Variants in USP14 observed in about 807,000 individuals in gnomAD.
USP14 encodes ubiquitin carboxyl-terminal hydrolase 14.
In USP14, 38 loss-of-function variants were observed where a neutral mutation model predicts 76.5. The ratio of observed to expected loss-of-function variants is 0.50; its 90% CI spans 0.38 to 0.65. The LOEUF is 0.65. Ranked by LOEUF, USP14 falls within the 30% of genes least tolerant of loss-of-function variation. The pLI, the probability that USP14 is intolerant of heterozygous loss-of-function variation, is 0.00. For synonymous variants in USP14, 192 were observed against 191.7 expected, an observed-to-expected ratio of 1.00 and a Z score of -0.01; for missense variants, 467 against 586.5, an observed-to-expected ratio of 0.80 and a Z score of 2.10.
Position 214,374 on chromosome 18 carries a change from T to C in USP14, c.*3090T>C. The C allele has an allele frequency of 2.6e-6, 1 of 388,946 alleles. No individual in the cohort carries two copies. Among genetic ancestry groups the C allele is most frequent in the Non-Finnish European group, 4.6e-6 (1 of 216,912 alleles). The allele number at this position is 388,946 out of a possible 1,614,324, so 24.1% of individuals were successfully genotyped here. A position where few individuals can be genotyped will look rare whatever the true frequency, so the allele number is the denominator to read the frequency against. On this transcript the variant is annotated 3_prime_UTR_variant, in exon 16 of 16. Transcript: ENST00000261601. Reference sequence around the variant, plus strand: ...AAATAGTGCTTATTTAACTTCATTATAAATACATCTACTTAACAAAAAAAT... The same window carrying C: ...AAATAGTGCTTATTTAACTTCATTACAAATACATCTACTTAACAAAAAAAT...
In USP14 at chr18:204,689, T is replaced by C. The variant is rs1910479719; in HGVS notation, c.1161T>C (p.Asn387=). ...LEDKKVNQQP[N]TSDKKSSPQK... ...ATAAAAAAGTGAATCAGCAGCCAAA[T>C]ACAGTAGGTTCTTACTGCTGACTTT... Residue 387 remains asparagine (N), a synonymous_variant, in exon 13 of 16, where the codon AAT becomes AAC. Transcript: ENST00000261601. The C allele has an allele frequency of 1.2e-6, 2 of 1,611,786 alleles. No individual in the cohort carries two copies. The highest frequency in any genetic ancestry group is 4.5e-5 in the East Asian group (2 of 44,740).
chr18:180,096 G>A (rs1177244113), intron 4 of USP14, 140 bp from the exon 5 acceptor site: 5 of 484,776 alleles, frequency 1.0e-5, no homozygotes, highest in East Asian at 3.6e-5. Context: ...TTTCTTTAGC[G>A]TGAAGGCAGA....
At chr18:202,129 A>G (rs1910399802) in intron 10 of USP14, among the ~76,000 whole-genome samples, 1 of 152,254 alleles carries the variant, frequency 6.6e-6, no homozygotes, top group Non-Finnish European at 1.5e-5. Context: ...AAAGCAGAGC[A>G]CATAAGTAGT....
At chr18:167,936 T>C (rs970318107) in intron 3 of USP14, among the ~76,000 whole-genome samples, 34 of 105,236 alleles carry the variant, frequency 3.2e-4, no homozygotes, top group South Asian at 1.3e-3. Context: ...TTTTCTCTCT[T>C]TTTTTTTTTT....
intron 1 of USP14, among the ~76,000 whole-genome samples, chr18:162,109 G>A (rs1296231926): frequency 6.6e-6 from 1 of 152,114 alleles, no homozygotes; most frequent in Non-Finnish European, 1.5e-5. Context: ...TCCGTTGTAT[G>A]TATATACCAC....
In USP14 at chr18:166,831, C is replaced by G. The variant is rs778509949; in HGVS notation, c.195+12C>G. ...TCAAAATAAAAAATGTAAGTATTAT[C>G]TTATGAACGTTTATTATAATGCAGT... On this transcript the variant is annotated intron_variant, in intron 3 of 15. Coordinates refer to ENST00000261601, the MANE Select transcript of USP14 (RefSeq NM_005151.4). The G allele has an allele frequency of 7.5e-6, 12 of 1,607,334 alleles. No homozygotes were observed. The highest frequency in any genetic ancestry group is 9.4e-6 in the Non-Finnish European group (11 of 1,175,288).
intron 5 of USP14, among the ~76,000 whole-genome samples, chr18:192,579 T>C (rs1283845968): frequency 6.6e-6 from 1 of 152,052 alleles, no homozygotes; most frequent in African/African-American, 2.4e-5. Flanking sequence ...AAATAAAAAA[T>C]AAAATAAAAT....
intron 13 of USP14, among the ~76,000 whole-genome samples, chr18:208,009 AT>A (rs1382195566): frequency 6.6e-6 from 1 of 151,384 alleles, no homozygotes; most frequent in Non-Finnish European, 1.5e-5. Flanking sequence ...ATTGGTGTTA[AT>A]TTTTTTTTAA....
At chr18:211,050 G>A (rs1910655732) in intron 15 of USP14, 83 bp from the exon 16 acceptor site, 10 of 1,436,376 alleles carry the variant, frequency 7.0e-6, no homozygotes, top group Non-Finnish European at 7.6e-6. Context: ...CTGTGCCTCC[G>A]ATGACTTGAT....
intron 1 of USP14, among the ~76,000 whole-genome samples, chr18:162,562 TC>T (rs1214185915): frequency 6.6e-6 from 1 of 152,224 alleles, no homozygotes; most frequent in Non-Finnish European, 1.5e-5. Context: ...TGCTTTATTC[TC>T]CCAGGAATTT....
intron 14 of USP14, 40 bp from the exon 15 acceptor site, chr18:210,346 A>G (rs1910637509): frequency 4.2e-6 from 6 of 1,418,286 alleles, no homozygotes; most frequent in African/African-American, 1.4e-5. Flanking sequence ...GCACATGTCT[A>G]TTCATTGTCT....
At chr18:210,295 A>T in intron 14 of USP14, 91 bp from the exon 15 acceptor site, 1 of 952,002 alleles carries the variant, frequency 1.1e-6, no homozygotes, top group East Asian at 2.5e-5. Context: ...TACTTTCGTA[A>T]TGTGAACTTT....
intron 1 of USP14, among the ~76,000 whole-genome samples, chr18:159,590 G>A (rs550629370): frequency 6.6e-6 from 1 of 152,150 alleles, no homozygotes; most frequent in African/African-American, 2.4e-5. Flanking sequence ...CATTTACAAA[G>A]CATGATACGA....
intron 11 of USP14, 54 bp from the exon 12 acceptor site, chr18:203,044 A>T (rs1249329384): frequency 1.7e-5 from 28 of 1,604,254 alleles, no homozygotes; most frequent in Non-Finnish European, 1.7e-6. Flanking sequence ...CAAATAATTA[A>T]AACTTGTATG....
intron 2 of USP14, among the ~76,000 whole-genome samples, chr18:165,516 CTG>C (rs1301011304): frequency 6.6e-6 from 1 of 152,276 alleles, no homozygotes; most frequent in Non-Finnish European, 1.5e-5. Flanking sequence ...TTAAATGAAA[CTG>C]TGACTGCTAA....
intron 5 of USP14, among the ~76,000 whole-genome samples, chr18:181,881 G>A (rs1909798203): frequency 6.6e-6 from 1 of 151,976 alleles, no homozygotes; most frequent in Non-Finnish European, 1.5e-5. Flanking sequence ...TCAGGCCTGT[G>A]GTTAATTTTT....
chr18:168,052 C>CT (rs554397787), intron 3 of USP14, among the ~76,000 whole-genome samples: 336 of 150,750 alleles, frequency 2.2e-3, no homozygotes, highest in Middle Eastern at 0.01. Context: ...ATTCTCTTGC[C>CT]TGAGCTGGGA....
intron 8 of USP14, 77 bp downstream of exon 8, chr18:197,773 C>A: frequency 8.5e-7 from 1 of 1,171,398 alleles, no homozygotes; most frequent in Non-Finnish European, 1.2e-6. Context: ...CCCTCAAAGG[C>A]TTAAAATAAG....
chr18:200,174 C>T (rs1188969873), intron 10 of USP14, among the ~76,000 whole-genome samples: 2 of 152,064 alleles, frequency 1.3e-5, no homozygotes, highest in Admixed American at 1.3e-4. Flanking sequence ...TAAGATTTTT[C>T]CTTAGAGATA....
Sources: allele counts gnomAD v4.1 joint callset (sites outside exome capture counted in the v4.1 genomes callset), GRCh38; gene constraint gnomAD v4.1.1; transcripts MANE v1.5; gene names NCBI Gene and HGNC (gene_info 2026-07-23, HGNC 2026-07-21).